TSNARE1: variants seen among roughly 807,000 people sequenced by gnomAD.
TSNARE1 encodes t-SNARE domain containing 1, also known as t-SNARE domain-containing protein 1.
In TSNARE1, 49 loss-of-function variants were observed where a neutral mutation model predicts 62.0. The ratio of observed to expected loss-of-function variants is 0.79; its 90% CI spans 0.63 to 1.00. The LOEUF is 1.00. Among genes scored for constraint, TSNARE1 ranks in the 50% least tolerant of loss-of-function variants. TSNARE1 has a pLI of 0.00. For synonymous variants in TSNARE1, 328 were observed against 294.4 expected, an observed-to-expected ratio of 1.11 and a Z score of -1.17; for missense variants, 755 against 700.1, an observed-to-expected ratio of 1.08 and a Z score of -0.88.
chr8:142,223,447 C>T (rs1255822237), intron 13 of TSNARE1, among the ~76,000 whole-genome samples: 14 of 35,020 alleles, frequency 4.0e-4, no homozygotes, highest in African/African-American at 1.2e-3. Context: ...CACTAATTCA[C>T]TCATTCGCTC....
At chr8:142,259,982 A>T (rs1224170700) in intron 12 of TSNARE1, among the ~76,000 whole-genome samples, 37 of 152,034 alleles carry the variant, frequency 2.4e-4, no homozygotes, top group Non-Finnish European at 1.2e-4. Context: ...CACCCTGCCC[A>T]GGTGCCCTCG....
chr8:142,223,309 TTCAC>T lies in TSNARE1; in HGVS notation c.*11+6160_*11+6163del, dbSNP rs1563757264. 3.3e-4 allele frequency among the ~76,000 whole-genome samples: 4 copies of T among 12,292 alleles called. 1 individual carries two copies. Among genetic ancestry groups the T allele is most frequent in the South Asian group, 3.0e-3 (1 of 336 alleles). The allele number at this position is 12,292 out of a possible 152,430, so 8.1% of individuals were successfully genotyped here. A position where few individuals can be genotyped will look rare whatever the true frequency, so the allele number is the denominator to read the frequency against. On this transcript the variant is annotated intron_variant, in intron 13 of 13. Transcript: ENST00000524325. ...TCATACTCACTCAACCACTCACTCATTCACTCACTCATTCACTCACTCGTTCACT... is the reference window on the plus strand; with the variant it reads ...TCATACTCACTCAACCACTCACTCATTCACTCATTCACTCACTCGTTCACT...
intron 13 of TSNARE1, among the ~76,000 whole-genome samples, chr8:142,222,944 T>TCACTCACC (rs1816486496): frequency 1.3e-5 from 2 of 151,434 alleles, no homozygotes; most frequent in Non-Finnish European, 2.9e-5. Flanking sequence ...ACTCATTCAC[T>TCACTCACC]CACTCATCCA....
intron 9 of TSNARE1, among the ~76,000 whole-genome samples, chr8:142,307,928 G>C (rs1001883962): frequency 6.6e-6 from 1 of 152,326 alleles, no homozygotes; most frequent in Non-Finnish European, 1.5e-5. Flanking sequence ...ATTTGTGTGG[G>C]TGTGGTGTGT....
At chr8:142,347,525 C>T (rs991414746) in intron 2 of TSNARE1, among the ~76,000 whole-genome samples, 4 of 152,226 alleles carry the variant, frequency 2.6e-5, no homozygotes, top group African/African-American at 4.8e-5. Flanking sequence ...CTGGAAACCC[C>T]GGACAATGGC....
At chr8:142,371,324 G>C (rs1835897829) in intron 1 of TSNARE1, among the ~76,000 whole-genome samples, 2 of 152,192 alleles carry the variant, frequency 1.3e-5, no homozygotes, top group South Asian at 4.1e-4. Flanking sequence ...AAACCCTGCA[G>C]GAAGCAAAGT....
chr8:142,270,052 G>C, intron 12 of TSNARE1: 2 of 985,422 alleles, frequency 2.0e-6, no homozygotes, highest in African/African-American at 3.5e-5. Context: ...CCAGCATCTT[G>C]CTCCTGGGAC....
At position 142,331,827 on chromosome 8, in the gene TSNARE1, G is replaced by A; in HGVS notation, c.750C>T (p.Thr250=). The A allele has an allele frequency of 1.9e-6, 3 of 1,607,926 alleles. No individual in the cohort carries two copies. Among genetic ancestry groups the A allele is most frequent in the Non-Finnish European group, 2.5e-6 (3 of 1,177,284 alleles). ...CCTGGAGGTTGCACGGATCGACCTG[G>A]GTGGCTGGGAGAAGACAGGGAGGAG... is the stretch of plus-strand genomic sequence containing the variant. ...EGFSLEPPRA[T]QVDPCNLQEL... Residue 250 remains threonine, a synonymous_variant, in exon 5 of 14, where the codon ACC becomes ACT. Coordinates refer to ENST00000524325, the MANE Select transcript of TSNARE1 (RefSeq NM_145003.5).
intron 9 of TSNARE1, among the ~76,000 whole-genome samples, chr8:142,307,898 C>T (rs1826951499): frequency 6.6e-6 from 1 of 152,214 alleles, no homozygotes; most frequent in Non-Finnish European, 1.5e-5. Flanking sequence ...CAGAGGTTTT[C>T]ACTCATGTTT....
intron 1 of TSNARE1, among the ~76,000 whole-genome samples, chr8:142,401,719 C>T (rs1485228591): frequency 1.3e-5 from 2 of 152,116 alleles, no homozygotes; most frequent in Non-Finnish European, 2.9e-5. Context: ...ACAGAGGTGA[C>T]CCAGCCAAAA....
intron 10 of TSNARE1, among the ~76,000 whole-genome samples, chr8:142,288,141 G>C (rs1160704482): frequency 6.6e-6 from 1 of 152,258 alleles, no homozygotes; most frequent in Non-Finnish European, 1.5e-5. Flanking sequence ...GCTTTGGTGA[G>C]AGATGCCAGG....
chr8:142,254,666 G>A (rs73716180), intron 12 of TSNARE1, among the ~76,000 whole-genome samples: 1,669 of 152,262 alleles, frequency 0.011, 25 homozygotes, highest in African/African-American at 0.038. Flanking sequence ...TATGGGGAAG[G>A]CGGGGCATCA....
intron 10 of TSNARE1, among the ~76,000 whole-genome samples, chr8:142,296,005 G>A (rs1824616808): frequency 8.5e-6 from 1 of 117,636 alleles, no homozygotes; most frequent in Non-Finnish European, 1.8e-5. Flanking sequence ...GGAGGGGGGA[G>A]GTCACTCATG....
intron 9 of TSNARE1, among the ~76,000 whole-genome samples, chr8:142,314,080 CGT>C (rs142793857): frequency 6.6e-6 from 1 of 152,142 alleles, no homozygotes; most frequent in East Asian, 1.9e-4. Flanking sequence ...CGCCCGGCCA[CGT>C]GTGTGTGTGT....
intron 13 of TSNARE1, among the ~76,000 whole-genome samples, chr8:142,226,450 G>A (rs561028752): frequency 1.3e-5 from 2 of 152,278 alleles, no homozygotes; most frequent in South Asian, 2.1e-4. Flanking sequence ...TCCTGCTTGC[G>A]TCTGCCCCTA....
rs1192832775 is a variant in TSNARE1, at chr8:142,238,536, C to G, written c.1447-8957G>C. Among the ~76,000 whole-genome samples, 14 of 151,962 alleles carry G rather than the reference C, an allele frequency of 9.2e-5. 1 individual carries two copies. The highest frequency in any genetic ancestry group is 9.2e-4 in the Admixed American group (14 of 15,268). On this transcript the variant is annotated intron_variant, in intron 12 of 13. Transcript: ENST00000524325. ...AGATGGAGCCCCACACCTGCTCCAC[C>G]CCACACCGTGGTACCTCTCCTGCCA...
At chr8:142,343,912 C>G (rs537729943) in intron 4 of TSNARE1, 54 bp downstream of exon 4, 42 of 1,440,764 alleles carry the variant, frequency 2.9e-5, no homozygotes, top group Non-Finnish European at 3.1e-5. Context: ...TGGGCCCCCC[C>G]CTCCTGCTGG....
chr8:142,378,588 T>G (rs1367081353), intron 1 of TSNARE1, among the ~76,000 whole-genome samples: 1 of 152,168 alleles, frequency 6.6e-6, no homozygotes, highest in African/African-American at 2.4e-5. Context: ...GGCATGAGCC[T>G]TGAATCCACC....
intron 13 of TSNARE1, among the ~76,000 whole-genome samples, chr8:142,215,005 G>A (rs1815762825): frequency 6.6e-6 from 1 of 152,296 alleles, no homozygotes; most frequent in South Asian, 2.1e-4. Context: ...CCCACCTCAG[G>A]GGCTTCACCT....
Sources: allele counts gnomAD v4.1 joint callset (sites outside exome capture counted in the v4.1 genomes callset), GRCh38; gene constraint gnomAD v4.1.1; transcripts MANE v1.5; gene names NCBI Gene and HGNC (gene_info 2026-07-23, HGNC 2026-07-21).